The following REEP1 variants were observed in gnomAD, a reference collection of about 807,000 sequenced individuals.
REEP1 encodes receptor accessory protein 1.
A neutral mutation model predicts 40.3 loss-of-function variants in REEP1; 22 were observed. That is an observed-to-expected ratio of 0.55 (90% CI 0.39 to 0.78). The LOEUF (loss-of-function observed/expected upper bound fraction) is 0.78. Ranked by LOEUF, REEP1 falls within the 30% of genes least tolerant of loss-of-function variation. The pLI, the probability that REEP1 is intolerant of heterozygous loss-of-function variation, is 0.00. For missense variants in REEP1, 280 were observed against 361.1 expected (o/e 0.78, Z 1.82); for synonymous variants, 116 against 139.2 (o/e 0.83, Z 1.17).
intron 2 of REEP1, among the ~76,000 whole-genome samples, chr2:86,270,683 C>T (rs1204216819): frequency 1.3e-5 from 2 of 151,992 alleles, no homozygotes; most frequent in South Asian, 2.1e-4. Context: ...ATATTGGATA[C>T]AACAAAAGAA....
chr2:86,248,172 G>T (rs1326607126), intron 5 of REEP1, among the ~76,000 whole-genome samples: 4 of 152,108 alleles, frequency 2.6e-5, no homozygotes, highest in African/African-American at 9.7e-5. Flanking sequence ...CTGTATCCTG[G>T]CCTGTAATTC....
intron 5 of REEP1, among the ~76,000 whole-genome samples, chr2:86,248,346 CAA>C (rs1676082492): frequency 6.6e-6 from 1 of 152,190 alleles, no homozygotes; most frequent in Non-Finnish European, 1.5e-5. Flanking sequence ...CAGGCAGGTC[CAA>C]GAAATTTAAA....
intron 5 of REEP1, among the ~76,000 whole-genome samples, chr2:86,233,790 A>G (rs566495490): frequency 4.6e-5 from 7 of 152,186 alleles, no homozygotes; most frequent in African/African-American, 1.7e-4. Flanking sequence ...GAAAGAAGAA[A>G]GCCTGGAGGG....
Position 86,337,411 on chromosome 2 carries a change from C to T in REEP1, c.32+68G>A. 2.7e-6 allele frequency: 3 copies of T among 1,092,624 alleles called. No homozygotes were observed. Among genetic ancestry groups the T allele is most frequent in the Non-Finnish European group, 3.5e-6 (3 of 868,528 alleles). The allele number at this position is 1,092,624 out of a possible 1,614,324, so 67.7% of individuals were successfully genotyped here. A position where few individuals can be genotyped will look rare whatever the true frequency, so the allele number is the denominator to read the frequency against. On this transcript the variant is annotated intron_variant, in intron 1 of 8. Coordinates refer to ENST00000538924, the MANE Select transcript of REEP1 (RefSeq NM_001371279.1). The surrounding 1 kb of genome is among the most constrained non-coding windows in gnomAD (Gnocchi z 5.8). ...CCACTGGGACCGGGCGCTGTAGGGG[C>T]GCGCGCAGCCCGGGGCCGGGGGCGG...
chr2:86,227,640 C>A (rs1328575896), intron 6 of REEP1, among the ~76,000 whole-genome samples: 1 of 152,226 alleles, frequency 6.6e-6, no homozygotes, highest in Non-Finnish European at 1.5e-5. Context: ...CACCCTGCAG[C>A]CCTAGGGAAG....
intron 5 of REEP1, among the ~76,000 whole-genome samples, chr2:86,240,546 C>T (rs892930216): frequency 2.0e-5 from 3 of 152,052 alleles, no homozygotes; most frequent in South Asian, 4.1e-4. Flanking sequence ...TGAGAGTGGA[C>T]GAAAACCCAA....
chr2:86,320,438 C>T (rs1573047797), intron 1 of REEP1, among the ~76,000 whole-genome samples: 2 of 152,118 alleles, frequency 1.3e-5, no homozygotes, highest in South Asian at 4.2e-4. Context: ...GATGAAATTC[C>T]AAGGAATACA....
At chr2:86,311,273 A>T (rs1679752262) in intron 1 of REEP1, among the ~76,000 whole-genome samples, 1 of 152,224 alleles carries the variant, frequency 6.6e-6, no homozygotes, top group Non-Finnish European at 1.5e-5. Flanking sequence ...GCATGGTGCC[A>T]GGCTGCCCTT....
At chr2:86,250,714 A>G (rs1338981256) in intron 5 of REEP1, among the ~76,000 whole-genome samples, 1 of 121,498 alleles carries the variant, frequency 8.2e-6, no homozygotes, top group African/African-American at 2.5e-5. Context: ...AAGAGGAATC[A>G]TTCATTTTTG....
intron 4 of REEP1, 50 bp from the exon 5 acceptor site, chr2:86,252,120 C>G: frequency 7.9e-7 from 1 of 1,268,218 alleles, no homozygotes; most frequent in Non-Finnish European, 1.2e-6. Flanking sequence ...TCAAACACAT[C>G]TCTGTTTTCT....
At chr2:86,295,798 C>G (rs916395752) in intron 1 of REEP1, among the ~76,000 whole-genome samples, 4 of 152,212 alleles carry the variant, frequency 2.6e-5, no homozygotes, top group Non-Finnish European at 4.4e-5. Flanking sequence ...CTTGGCCTCC[C>G]AAGGTGCTAG....
chr2:86,264,771 A>T (rs1677053471), intron 2 of REEP1, among the ~76,000 whole-genome samples: 1 of 152,172 alleles, frequency 6.6e-6, no homozygotes, highest in African/African-American at 2.4e-5. Context: ...ACCAAACAAA[A>T]TATTTCAAAA....
Position 86,317,286 on chromosome 2 carries a change from A to AT in REEP1, c.32+20192dup, listed in dbSNP as rs893320344. ...CAGGAAAAAAAAACACCAATAAAGG[A>AT]TTTTTTTTGACAAATTTGGGTTAAT... On this transcript the variant is annotated intron_variant, in intron 1 of 8. Transcript: ENST00000538924. 9.2e-5 allele frequency among the ~76,000 whole-genome samples: 14 copies of AT among 152,106 alleles called. No individual in the cohort carries two copies. The South Asian group carries it at 1.5e-3, about 16-fold the overall frequency.
chr2:86,270,199 G>C (rs1010382602), intron 2 of REEP1, among the ~76,000 whole-genome samples: 3 of 151,934 alleles, frequency 2.0e-5, no homozygotes, highest in Non-Finnish European at 4.4e-5. Flanking sequence ...TTGTTTGTTT[G>C]TTTGTTTGTT....
chr2:86,307,435 T>C (rs1255788794), intron 1 of REEP1, among the ~76,000 whole-genome samples: 1 of 152,180 alleles, frequency 6.6e-6, no homozygotes, highest in South Asian at 2.1e-4. Flanking sequence ...AAGTAAATTG[T>C]GTTCAACTTA....
At chr2:86,218,055 C>A (rs183743448) in intron 8 of REEP1, among the ~76,000 whole-genome samples, 77 of 152,242 alleles carry the variant, frequency 5.1e-4, no homozygotes, top group Non-Finnish European at 8.5e-4. Context: ...CTACACTGTG[C>A]CCATTCATGC....
intron 1 of REEP1, among the ~76,000 whole-genome samples, chr2:86,309,975 G>C (rs75693170): frequency 0.06 from 9,202 of 152,140 alleles, 358 homozygotes; most frequent in African/African-American, 0.095. Flanking sequence ...CAAGTGGAGA[G>C]GGCAGGTCGT....
intron 4 of REEP1, among the ~76,000 whole-genome samples, chr2:86,252,836 A>T (rs1178381817): frequency 6.6e-6 from 1 of 152,260 alleles, no homozygotes; most frequent in Non-Finnish European, 1.5e-5. Context: ...GTGTCATGCA[A>T]CAAGGTAAAG....
intron 2 of REEP1, among the ~76,000 whole-genome samples, chr2:86,275,376 A>T (rs1301549023): frequency 1.3e-5 from 2 of 152,250 alleles, no homozygotes; most frequent in African/African-American, 4.8e-5. Context: ...ATGCTCTGGC[A>T]TCTGGGGCCT....
Sources: gnomAD v4.1 joint callset for allele counts (sites outside exome capture counted in the v4.1 genomes callset) on GRCh38, gnomAD v4.1.1 for gene constraint, Gnocchi (gnomAD v3.1) non-coding constraint, MANE v1.5 for transcripts, NCBI Gene and HGNC (gene_info 2026-07-23, HGNC 2026-07-21) for gene names.